Variants in PRDM16 observed in about 807,000 individuals in gnomAD.
PRDM16 encodes the protein PR/SET domain 16, also known as histone-lysine N-methyltransferase PRDM16.
A neutral mutation model predicts 110.6 loss-of-function variants in PRDM16; 23 were observed. The observed-to-expected ratio is 0.21, with a 90% CI of 0.15 to 0.29. The LOEUF (loss-of-function observed/expected upper bound fraction) is 0.29. Among genes scored for constraint, PRDM16 ranks in the 10% least tolerant of loss-of-function variants. The pLI, the probability that PRDM16 is intolerant of heterozygous loss-of-function variation, is 1.00. For missense variants in PRDM16, 1,615 were observed against 1,794.3 expected (o/e 0.90, Z 1.81); for synonymous variants, 799 against 781.8 (o/e 1.02, Z -0.37).
rs145758034 is a variant in PRDM16, at chr1:3,387,342, T to C, written c.573+2056T>C. The stretch of plus-strand genomic sequence containing the variant: ...CAACACCGCCTCAAGGGATTCGTTC[T>C]CTCTGTTTTAGGTCCATAGGCTGAA... On this transcript the variant is annotated intron_variant, in intron 4 of 16. Transcript: ENST00000270722. 1.7e-3 allele frequency among the ~76,000 whole-genome samples: 259 copies of C among 152,340 alleles called. 1 individual carries two copies. Among genetic ancestry groups the C allele is most frequent in the Non-Finnish European group, 3.2e-3 (215 of 68,028 alleles).
intron 3 of PRDM16, among the ~76,000 whole-genome samples, chr1:3,247,972 A>G (rs1056929240): frequency 2.0e-5 from 3 of 152,180 alleles, no homozygotes; most frequent in Non-Finnish European, 2.9e-5. Flanking sequence ...CGAGTTGTCC[A>G]TCCATCACTC....
chr1:3,181,632 A>G lies in PRDM16; in HGVS notation c.38-4493A>G, dbSNP rs377582030. On this transcript the variant is annotated intron_variant, in intron 1 of 16. Coordinates refer to ENST00000270722, the MANE Select transcript of PRDM16 (RefSeq NM_022114.4). Reference sequence around the variant, plus strand: ...GTCTTACACACGGTCTTACACATGCAGTCTTACACACGGTCTTACACACGG... The same window carrying G: ...GTCTTACACACGGTCTTACACATGCGGTCTTACACACGGTCTTACACACGG... Among the ~76,000 whole-genome samples the G allele has an allele frequency of 2.2e-3, 274 of 123,534 alleles. 5 individuals are homozygous for G. The highest frequency in any genetic ancestry group is 8.0e-3 in the African/African-American group (247 of 30,940). The allele number at this position is 123,534 out of a possible 152,430, so 81.0% of individuals were successfully genotyped here. A position where few individuals can be genotyped will look rare whatever the true frequency, so the allele number is the denominator to read the frequency against.
intron 3 of PRDM16, among the ~76,000 whole-genome samples, chr1:3,270,710 G>A (rs1640429484): frequency 6.6e-6 from 1 of 151,268 alleles, no homozygotes; most frequent in Admixed American, 6.6e-5. Context: ...CAGTCCCGGA[G>A]GAGGACAGTC....
intron 8 of PRDM16, among the ~76,000 whole-genome samples, chr1:3,408,591 GGT>G (rs759814651): frequency 1.5e-5 from 2 of 136,800 alleles, no homozygotes; most frequent in Non-Finnish European, 3.1e-5. Context: ...TGTGAGTGTG[GGT>G]GTGTGAGCTG....
At chr1:3,423,025 G>A (rs1451303107) in intron 12 of PRDM16, among the ~76,000 whole-genome samples, 1 of 152,230 alleles carries the variant, frequency 6.6e-6, no homozygotes, top group Non-Finnish European at 1.5e-5. Context: ...TTCTTTTCCT[G>A]TCTACTGTTG....
intron 4 of PRDM16, among the ~76,000 whole-genome samples, chr1:3,395,334 G>A (rs1044611289): frequency 3.9e-5 from 6 of 152,150 alleles, no homozygotes; most frequent in African/African-American, 1.4e-4. Flanking sequence ...CACCCACAAG[G>A]ATGGCCACGT....
intron 2 of PRDM16, among the ~76,000 whole-genome samples, chr1:3,237,677 G>A (rs1053325975): frequency 6.6e-6 from 1 of 152,252 alleles, no homozygotes; most frequent in African/African-American, 2.4e-5. Flanking sequence ...CAGGAAGGGA[G>A]ATGCGCGCGG....
intron 2 of PRDM16, among the ~76,000 whole-genome samples, chr1:3,195,855 G>A (rs1374550534): frequency 2.0e-5 from 3 of 152,188 alleles, no homozygotes; most frequent in African/African-American, 7.2e-5. Context: ...AATAAGGATT[G>A]GATGTGAAGG....
At position 3,271,814 on chromosome 1, in the gene PRDM16, A is replaced by G. The variant is rs542365803; in HGVS notation, c.438+27677A>G. ...GACCCCCAGCACGGAAAGCAGCAGCAGGCCGCGGAGTCCTGGGCACAGGGC... is the reference window on the plus strand; with the variant it reads ...GACCCCCAGCACGGAAAGCAGCAGCGGGCCGCGGAGTCCTGGGCACAGGGC... On this transcript the variant is annotated intron_variant, in intron 3 of 16. Transcript: ENST00000270722. Among the ~76,000 whole-genome samples, 5 of 152,308 alleles carry G rather than the reference A, an allele frequency of 3.3e-5. No individual in the cohort carries two copies. The South Asian group carries it at 1.0e-3, about 32-fold the overall frequency.
intron 1 of PRDM16, among the ~76,000 whole-genome samples, chr1:3,125,099 T>C (rs1052665241): frequency 6.6e-6 from 1 of 152,268 alleles, no homozygotes; most frequent in African/African-American, 2.4e-5. Flanking sequence ...AGTTTCTCTT[T>C]GCCTAAAGCT....
intron 2 of PRDM16, among the ~76,000 whole-genome samples, chr1:3,212,441 C>T (rs1422964071): frequency 1.3e-5 from 2 of 152,232 alleles, no homozygotes; most frequent in South Asian, 2.1e-4. Context: ...TGGAGCCGGC[C>T]GGACGCTGGC....
chr1:3,300,794 G>A lies in PRDM16; in HGVS notation c.438+56657G>A, dbSNP rs915763963. Among the ~76,000 whole-genome samples, 8 of 152,316 alleles carry A rather than the reference G, an allele frequency of 5.3e-5. No homozygotes were observed. In the East Asian group the frequency reaches 1.4e-3, roughly 26 times the overall value. On this transcript the variant is annotated intron_variant, in intron 3 of 16. Coordinates refer to ENST00000270722, the MANE Select transcript of PRDM16 (RefSeq NM_022114.4). ...TGAAGTCAGTTACTCTACCCATTGAGCAAGAGCTGAGCAACCGTGTATGGA... is the reference window on the plus strand; with the variant it reads ...TGAAGTCAGTTACTCTACCCATTGAACAAGAGCTGAGCAACCGTGTATGGA...
Position 3,245,540 on chromosome 1 carries a change from C to G in PRDM16, c.438+1403C>G, listed in dbSNP as rs1184715507. ...AACTGGTTCCCGTGTCCCTCCCCGT[C>G]GCTGGTGTGGCTGTGTCTGGCCTCC... On this transcript the variant is annotated intron_variant, in intron 3 of 16. Transcript: ENST00000270722. This position sits in a 1 kb window ranked among gnomAD's most constrained non-coding sequence, Gnocchi z 4.7. 6.6e-6 allele frequency among the ~76,000 whole-genome samples: 1 copy of G among 152,176 alleles called. No homozygotes were observed. The highest frequency in any genetic ancestry group is 2.4e-5 in the African/African-American group (1 of 41,436).
chr1:3,357,362 C>G (rs1347118487), intron 3 of PRDM16, among the ~76,000 whole-genome samples: 1 of 144,090 alleles, frequency 6.9e-6, no homozygotes, highest in African/African-American at 2.5e-5. Flanking sequence ...CCACCCCCCG[C>G]CCCGAGCTGG....
At chr1:3,170,707 G>T (rs1338243134) in intron 1 of PRDM16, among the ~76,000 whole-genome samples, 1 of 152,154 alleles carries the variant, frequency 6.6e-6, no homozygotes, top group Non-Finnish European at 1.5e-5. Context: ...GGGGAGCAGG[G>T]GAAGGGAGGG....
chr1:3,083,453 C>T (rs557866728), intron 1 of PRDM16, among the ~76,000 whole-genome samples: 1 of 152,334 alleles, frequency 6.6e-6, no homozygotes, highest in South Asian at 2.1e-4. Context: ...CGTTTATGGC[C>T]CAGGGAGACA....
chr1:3,182,524 T>G (rs1408336550), intron 1 of PRDM16, among the ~76,000 whole-genome samples: 1 of 152,158 alleles, frequency 6.6e-6, no homozygotes, highest in Non-Finnish European at 1.5e-5. Context: ...TGGCCTCTGT[T>G]CCAGGATCAT....
rs904585788 is a variant in PRDM16 at position 3,185,644 on chromosome 1, G to A, written c.38-481G>A. 3.9e-5 allele frequency among the ~76,000 whole-genome samples: 6 copies of A among 152,224 alleles called. No individual in the cohort carries two copies. In the East Asian group the frequency reaches 7.7e-4, roughly 20 times the overall value. On this transcript the variant is annotated intron_variant, in intron 1 of 16. Transcript: ENST00000270722. ...CTCCCAGGCACTTAGGACTTCTGCC[G>A]TCCCTGATTTCCAAGGCTATAGAGG... is the stretch of plus-strand genomic sequence containing the variant.
intron 1 of PRDM16, among the ~76,000 whole-genome samples, chr1:3,102,614 T>C (rs1229226433): frequency 6.6e-6 from 1 of 152,222 alleles, no homozygotes; most frequent in African/African-American, 2.4e-5. Flanking sequence ...TGCATGGAGT[T>C]TGCCCTCGGA....
Sources: allele counts gnomAD v4.1 joint callset (sites outside exome capture counted in the v4.1 genomes callset), GRCh38; gene constraint gnomAD v4.1.1; non-coding constraint Gnocchi (gnomAD v3.1); transcripts MANE v1.5; gene names NCBI Gene and HGNC (gene_info 2026-07-23, HGNC 2026-07-21).